Variants in RASL12 observed in about 807,000 individuals in gnomAD.
The protein encoded by RASL12 is RAS like family 12, also known as ras-like protein family member 12.
Under a neutral mutation model 22.9 loss-of-function variants are expected in RASL12, and 16 were observed. That is an observed-to-expected ratio of 0.70 (90% confidence interval 0.47 to 1.06). RASL12 has a LOEUF of 1.06. RASL12 is among the 50% of genes least tolerant of loss of function. The pLI is 0.00. For synonymous variants in RASL12, 159 were observed against 152.2 expected (o/e 1.04, Z -0.33); for missense variants, 306 against 353.1 (o/e 0.87, Z 1.07).
downstream of RASL12, chr15:65,052,833 T>C: frequency 2.8e-6 from 2 of 724,854 alleles, no homozygotes; most frequent in Non-Finnish European, 4.6e-6. Flanking sequence ...TATCCAACCA[T>C]TGCCGCTTCT....
At chr15:65,074,594 C>T (rs1005775257) in intron 1 of RASL12, among the ~76,000 whole-genome samples, 5 of 151,996 alleles carry the variant, frequency 3.3e-5, no homozygotes, top group African/African-American at 1.2e-4. Context: ...ACGGGGTTTC[C>T]CCATGTCGGC....
At chr15:65,063,208 C>A (rs1240103151) in intron 2 of RASL12, among the ~76,000 whole-genome samples, 1 of 149,956 alleles carries the variant, frequency 6.7e-6, no homozygotes, top group Non-Finnish European at 1.5e-5. Flanking sequence ...ATCTGAATCT[C>A]AAAAAAAAAA....
Position 65,054,852 on chromosome 15 carries a change from T to C in RASL12, c.*47A>G, listed in dbSNP as rs1293564232. 6 of 1,570,102 alleles carry C rather than the reference T, an allele frequency of 3.8e-6. No homozygotes were observed. The highest frequency in any genetic ancestry group is 5.2e-6 in the Non-Finnish European group (6 of 1,157,482). ...GGTGAGAAGCCAGTCCCTGTCCTGC[T>C]GCAGTCCTGTCCAGCCACCGAGCCT... On this transcript the variant is annotated 3_prime_UTR_variant, in exon 5 of 5. Coordinates refer to ENST00000220062, the MANE Select transcript of RASL12 (RefSeq NM_016563.4).
At chr15:65,055,390 C>T (rs920869851) in intron 4 of RASL12, 116 bp from the exon 5 acceptor site, 2 of 844,792 alleles carry the variant, frequency 2.4e-6, no homozygotes, top group African/African-American at 1.7e-5. Context: ...GTCATCTTCA[C>T]CTCTCTGAGT....
At chr15:65,046,777 G>A in the RASL12 span, among the ~76,000 whole-genome samples, 1 of 152,086 alleles carries the variant, frequency 6.6e-6, no homozygotes, top group Admixed American at 6.5e-5. Flanking sequence ...GCCGGGCGTG[G>A]TGGCACATGC....
At chr15:65,073,062 CA>C (rs1040852284) in intron 1 of RASL12, among the ~76,000 whole-genome samples, 1 of 151,916 alleles carries the variant, frequency 6.6e-6, no homozygotes, top group African/African-American at 2.4e-5. Context: ...AACAAACAAA[CA>C]AAAAAACCCC....
At chr15:65,052,265 A>G (rs1394218194), downstream of RASL12, among the ~76,000 whole-genome samples, 2 of 152,110 alleles carry the variant, frequency 1.3e-5, no homozygotes, top group East Asian at 1.9e-4. Flanking sequence ...GTGAGGGATG[A>G]GGTGTGTGGT....
chr15:65,057,477 C>T (rs1466407875), intron 4 of RASL12, among the ~76,000 whole-genome samples: 2 of 152,158 alleles, frequency 1.3e-5, no homozygotes, highest in Non-Finnish European at 1.5e-5. Flanking sequence ...GGCCTGGGGT[C>T]GGCTGGAGAG....
the RASL12 span, chr15:65,045,586 A>C: frequency 2.6e-5 from 4 of 152,304 alleles, no homozygotes; most frequent in African/African-American, 9.6e-5. Context: ...ATCCGGGGTG[A>C]GTGTCCTCAT....
At chr15:65,062,519 T>C (rs1398361277) in intron 2 of RASL12, among the ~76,000 whole-genome samples, 1 of 152,242 alleles carries the variant, frequency 6.6e-6, no homozygotes, top group African/African-American at 2.4e-5. Flanking sequence ...CTGAGCCCTC[T>C]CTTCCTCCAT....
At position 65,058,488 on chromosome 15, in the gene RASL12, C is replaced by T; in HGVS notation, c.364G>A (p.Glu122Lys). 6.2e-7 allele frequency: 1 copy of T among 1,610,202 alleles called. No individual in the cohort carries two copies. The highest frequency in any genetic ancestry group is 8.5e-7 in the Non-Finnish European group (1 of 1,177,434). The change falls in exon 4 of 5, where the codon GAG becomes AAG. Residue 122 changes from glutamate to lysine, a missense_variant. Transcript: ENST00000220062. ...AGGGCAGGGATGCTGCGCTGTGTCT[C>T]CTTCGCGTGCAAGGCAAGCAGCTCC... ...YLELLALHAK[E>K]TQRSIPALLL...
At chr15:65,068,215 GAGA>G (rs2086905234), upstream of RASL12, 1 of 991,668 alleles carries the variant, frequency 1.0e-6, no homozygotes, top group South Asian at 4.7e-5. The surrounding 1 kb of genome is among the most constrained non-coding windows in gnomAD (Gnocchi z 4.2). Flanking sequence ...GGAAGGAGCA[GAGA>G]AGGAGCCCCA....
At chr15:65,064,652 A>G (rs2086854670) in intron 2 of RASL12, among the ~76,000 whole-genome samples, 3 of 151,460 alleles carry the variant, frequency 2.0e-5, no homozygotes, top group Non-Finnish European at 4.4e-5. Context: ...GCTGGAGTGC[A>G]GTGGCACGAC....
chr15:65,071,811 G>T (rs79332798), upstream of RASL12, among the ~76,000 whole-genome samples: 42 of 152,188 alleles, frequency 2.8e-4, no homozygotes, highest in African/African-American at 9.9e-4. Flanking sequence ...GGCCCCCTGG[G>T]AGTCAGCCCT....
chr15:65,074,648 C>T (rs1035022894), intron 1 of RASL12, among the ~76,000 whole-genome samples: 9 of 152,178 alleles, frequency 5.9e-5, no homozygotes, highest in Admixed American at 3.3e-4. Context: ...CAACCATTCT[C>T]GGCCCCCAAA....
chr15:65,060,573 C>T (rs1054126011), intron 2 of RASL12, among the ~76,000 whole-genome samples: 6 of 152,340 alleles, frequency 3.9e-5, no homozygotes, highest in African/African-American at 1.2e-4. Flanking sequence ...GAGGACCTTG[C>T]GGCCATGTTG....
In RASL12 at chr15:65,059,366, C is replaced by T. The variant is rs144703401; in HGVS notation, c.213G>A (p.Arg71=). The change falls in exon 3 of 5, where the codon AGG becomes AGA. Residue 71 remains arginine, a synonymous_variant. Transcript: ENST00000220062. ...TTACCAGGTCTGCAGTGTCCATGAC[C>T]CTCAGGTGGACAGGCTGGTGGTCCA... is the stretch of plus-strand genomic sequence containing the variant. ...ETVDHQPVHL[R]VMDTADLDTP... The T allele has an allele frequency of 4.2e-4, 684 of 1,614,052 alleles. 1 individual carries two copies. The highest frequency in any genetic ancestry group is 1.2e-3 in the Admixed American group (70 of 60,028).
At chr15:65,065,347 C>T (rs1389076246) in intron 1 of RASL12, 74 bp from the exon 2 acceptor site, 1 of 1,356,286 alleles carries the variant, frequency 7.4e-7, no homozygotes, top group Non-Finnish European at 1.0e-6. Flanking sequence ...TTAAGGGAGG[C>T]CTTATCTAAC....
At chr15:65,050,833 C>CTTTTTT (rs67418433), downstream of RASL12, among the ~76,000 whole-genome samples, 5 of 88,594 alleles carry the variant, frequency 5.6e-5, no homozygotes, top group Admixed American at 2.9e-4. Context: ...TCTTCTTCTT[C>CTTTTTT]TTCTTTTTTT....
Sources: allele counts gnomAD v4.1 joint callset (sites outside exome capture counted in the v4.1 genomes callset), GRCh38; gene constraint gnomAD v4.1.1; non-coding constraint Gnocchi (gnomAD v3.1); transcripts MANE v1.5; gene names NCBI Gene and HGNC (gene_info 2026-07-23, HGNC 2026-07-21).